Variants in KLRG1 observed in about 807,000 individuals in gnomAD.
KLRG1 encodes killer cell lectin-like receptor subfamily G member 1.
KLRG1 carries 16 observed loss-of-function variants against 21.8 expected under a neutral mutation model. The observed-to-expected ratio is 0.73, with a 90% CI of 0.50 to 1.11. KLRG1 has a LOEUF of 1.11. Ranked by LOEUF, KLRG1 falls within the 50% of genes most tolerant of loss-of-function variation. The probability of loss-of-function intolerance (pLI) is 0.00; values close to 1 mark genes in which losing one functional copy is unlikely to be tolerated. For synonymous variants in KLRG1, 69 were observed against 75.9 expected (o/e 0.91, Z 0.47); for missense variants, 173 against 218.3 (o/e 0.79, Z 1.31).
the KLRG1 span, among the ~76,000 whole-genome samples, chr12:9,087,880 C>A: frequency 5.8e-3 from 880 of 152,158 alleles, 8 homozygotes; most frequent in African/African-American, 0.02. Context: ...TCTACCCTAG[C>A]TGTACTTGCA....
the KLRG1 span, among the ~76,000 whole-genome samples, chr12:9,159,405 A>C: frequency 6.6e-6 from 1 of 152,202 alleles, no homozygotes; most frequent in African/African-American, 2.4e-5. Context: ...GAATTAAATA[A>C]GGTAACATTA....
At chr12:9,085,603 AAAG>A in the KLRG1 span, among the ~76,000 whole-genome samples, 4 of 152,128 alleles carry the variant, frequency 2.6e-5, no homozygotes, top group South Asian at 2.1e-4. Flanking sequence ...AGAAGTAGGA[AAAG>A]AAGAACAAAG....
the KLRG1 span, among the ~76,000 whole-genome samples, chr12:9,106,782 T>G: frequency 6.6e-6 from 1 of 152,220 alleles, no homozygotes; most frequent in East Asian, 1.9e-4. Context: ...CAATATCTCA[T>G]GTATAATTGA....
the KLRG1 span, among the ~76,000 whole-genome samples, chr12:9,144,222 G>GGGA: frequency 1.3e-5 from 2 of 152,154 alleles, no homozygotes; most frequent in African/African-American, 4.8e-5. Flanking sequence ...GTGAGGATGA[G>GGGA]GGAGGAGGAG....
At chr12:9,039,029 A>G in the KLRG1 span, among the ~76,000 whole-genome samples, 1 of 152,248 alleles carries the variant, frequency 6.6e-6, no homozygotes, top group African/African-American at 2.4e-5. Context: ...TAGAAGAGCT[A>G]AATGATTTGT....
chr12:9,087,327 T>A, the KLRG1 span, among the ~76,000 whole-genome samples: 2 of 152,174 alleles, frequency 1.3e-5, no homozygotes, highest in East Asian at 1.9e-4. Context: ...CCATTCCATT[T>A]TAAAAAACAA....
At chr12:9,154,479 C>T in the KLRG1 span, 4 of 888,076 alleles carry the variant, frequency 4.5e-6, no homozygotes. Flanking sequence ...CCTTTAAATT[C>T]TCATGGTCCT....
chr12:9,018,089 T>C, the KLRG1 span, among the ~76,000 whole-genome samples: 1 of 152,136 alleles, frequency 6.6e-6, no homozygotes, highest in African/African-American at 2.4e-5. Context: ...CTGTAAGACA[T>C]TGATGCAAGA....
At chr12:9,070,429 G>A in the KLRG1 span, 1 of 1,133,328 alleles carries the variant, frequency 8.8e-7, no homozygotes, top group East Asian at 2.4e-5. Flanking sequence ...ATTGTCTTAT[G>A]CTGGGGATAC....
the KLRG1 span, among the ~76,000 whole-genome samples, chr12:9,122,335 CT>C: frequency 3.3e-5 from 5 of 152,160 alleles, no homozygotes; most frequent in African/African-American, 1.2e-4. Context: ...ATAGGAGCCC[CT>C]TTGTTCACTG....
the KLRG1 span, among the ~76,000 whole-genome samples, chr12:9,141,860 T>A: frequency 6.6e-6 from 1 of 152,356 alleles, no homozygotes; most frequent in African/African-American, 2.4e-5. Flanking sequence ...AAGGTCCGAC[T>A]TATTCCAGCA....
At chr12:9,090,045 A>C in the KLRG1 span, 2 of 1,581,038 alleles carry the variant, frequency 1.3e-6, no homozygotes, top group Non-Finnish European at 1.7e-6. Context: ...GGCCAGTAGA[A>C]ATGAATAGCA....
the KLRG1 span, chr12:9,068,227 GA>G: frequency 5.9e-3 from 7,345 of 1,251,894 alleles, 3 homozygotes; most frequent in African/African-American, 0.016. Flanking sequence ...AAACTCATCT[GA>G]AAAAAAAAAA....
chr12:9,045,388 G>A, the KLRG1 span, among the ~76,000 whole-genome samples: 9 of 152,038 alleles, frequency 5.9e-5, no homozygotes, highest in African/African-American at 9.7e-5. Flanking sequence ...AAACACAGCC[G>A]AACTCCTAGA....
chr12:9,072,908 A>G, the KLRG1 span: 3 of 1,563,576 alleles, frequency 1.9e-6, no homozygotes, highest in East Asian at 4.5e-5. Flanking sequence ...CCCATTGGGC[A>G]TTATAAGGCT....
At chr12:8,988,754 G>T (rs1388030335), upstream of KLRG1, among the ~76,000 whole-genome samples, 3 of 151,908 alleles carry the variant, frequency 2.0e-5, no homozygotes, top group African/African-American at 7.3e-5. Context: ...TAATTTTTTT[G>T]TATTTTTAGT....
chr12:9,035,240 A>T, the KLRG1 span, among the ~76,000 whole-genome samples: 1 of 152,178 alleles, frequency 6.6e-6, no homozygotes, highest in Non-Finnish European at 1.5e-5. Context: ...AATGTGGCAC[A>T]TATACACCAT....
chr12:9,196,313 A>G, the KLRG1 span: 1 of 1,562,056 alleles, frequency 6.4e-7, no homozygotes, highest in Non-Finnish European at 8.8e-7. Context: ...TTACCTGTGC[A>G]TTACAACATA....
At chr12:9,109,846 AT>A in the KLRG1 span, 1 of 1,570,186 alleles carries the variant, frequency 6.4e-7, no homozygotes, top group Non-Finnish European at 8.6e-7. Context: ...ATAATGCTTG[AT>A]GACTTTTCAT....
Sources: gnomAD v4.1 joint callset for allele counts (sites outside exome capture counted in the v4.1 genomes callset) on GRCh38, gnomAD v4.1.1 for gene constraint, MANE v1.5 for transcripts, NCBI Gene and HGNC (gene_info 2026-07-23, HGNC 2026-07-21) for gene names.